Variants in DEUP1 observed in about 807,000 individuals in gnomAD.
The protein encoded by DEUP1 is deuterosome assembly protein 1.
DEUP1 carries 82 observed loss-of-function variants against 87.4 expected under a neutral mutation model. The observed-to-expected ratio is 0.94, with a 90% confidence interval of 0.78 to 1.13. The LOEUF (loss-of-function observed/expected upper bound fraction) is 1.13, where lower values mean the gene tolerates loss of function less well. DEUP1 is among the 50% of genes most tolerant of loss of function. The pLI, the probability that DEUP1 is intolerant of heterozygous loss-of-function variation, is 0.00. For synonymous variants in DEUP1, 214 were observed against 222.7 expected (o/e 0.96, Z 0.35); for missense variants, 663 against 681.5 (o/e 0.97, Z 0.30).
At chr11:93,336,968 T>A (rs544351913) in intron 2 of DEUP1, among the ~76,000 whole-genome samples, 1 of 152,330 alleles carries the variant, frequency 6.6e-6, no homozygotes, top group East Asian at 1.9e-4. Flanking sequence ...TTCAACCAAA[T>A]TCTCATTTTT....
chr11:93,434,102 C>A (rs986952076), intron 13 of DEUP1, among the ~76,000 whole-genome samples: 5 of 152,174 alleles, frequency 3.3e-5, no homozygotes, highest in East Asian at 1.9e-4. Flanking sequence ...GGGTAGGGGA[C>A]CAACCACCAT....
chr11:93,403,053 C>A (rs531510745), intron 11 of DEUP1, among the ~76,000 whole-genome samples: 5 of 151,980 alleles, frequency 3.3e-5, no homozygotes, highest in African/African-American at 9.6e-5. Flanking sequence ...GGTGATGATA[C>A]CTCAAGTACA....
At chr11:93,434,170 G>A (rs964303065) in intron 13 of DEUP1, among the ~76,000 whole-genome samples, 1 of 152,150 alleles carries the variant, frequency 6.6e-6, no homozygotes, top group Non-Finnish European at 1.5e-5. Flanking sequence ...TTCAGGCATA[G>A]CTTCTTCACG....
Position 93,362,557 on chromosome 11 carries a change from T to C in DEUP1, c.298-1603T>C, listed in dbSNP as rs571568956. On this transcript the variant is annotated intron_variant, in intron 4 of 13. Coordinates refer to ENST00000298050, the MANE Select transcript of DEUP1 (RefSeq NM_181645.4). ...ATAATAAAAAAGAAAATAACAAGTG[T>C]TGGAGAGGATATGGAGACATTGTAA... Among the ~76,000 whole-genome samples the C allele has an allele frequency of 3.3e-5, 5 of 151,902 alleles. No homozygotes were observed. The South Asian group carries it at 1.0e-3, about 32-fold the overall frequency.
intron 2 of DEUP1, chr11:93,352,445 C>T (rs1207517770): frequency 2.9e-6 from 2 of 699,772 alleles, no homozygotes; most frequent in East Asian, 5.4e-5. Flanking sequence ...ACAACAGTTG[C>T]TATAGTCCTA....
intron 4 of DEUP1, among the ~76,000 whole-genome samples, chr11:93,359,339 T>C (rs1481762121): frequency 6.6e-6 from 1 of 151,964 alleles, no homozygotes; most frequent in Admixed American, 6.5e-5. Context: ...GCTTTCCTTT[T>C]AAAAAGGAGT....
chr11:93,388,904 T>C lies in DEUP1; in HGVS notation c.936-116T>C, dbSNP rs568382336. 2.7e-5 allele frequency: 16 copies of C among 595,760 alleles called. No homozygotes were observed. In the African/African-American group the frequency reaches 2.9e-4, roughly 11 times the overall value. 36.9% of individuals were successfully genotyped at this position (595,760 alleles called of 1,614,324 possible). A position where few individuals can be genotyped will look rare whatever the true frequency, so the allele number is the denominator to read the frequency against. On this transcript the variant is annotated intron_variant, in intron 8 of 13. Coordinates refer to ENST00000298050, the MANE Select transcript of DEUP1 (RefSeq NM_181645.4). ...TGCAATTTCTGTAACTAAAAATGTT[T>C]CCAACAAAGTAATGATCTATCTCCG...
chr11:93,410,210 C>G (rs1349068656), intron 12 of DEUP1, among the ~76,000 whole-genome samples: 2 of 152,036 alleles, frequency 1.3e-5, no homozygotes, highest in Admixed American at 1.3e-4. Context: ...ATTAATAAAC[C>G]CTTTTCAGGT....
intron 9 of DEUP1, among the ~76,000 whole-genome samples, chr11:93,390,614 C>T (rs1210135913): frequency 6.6e-6 from 1 of 151,948 alleles, no homozygotes; most frequent in East Asian, 1.9e-4. Flanking sequence ...GATTCTTAAC[C>T]TCATAGATTT....
intron 2 of DEUP1, among the ~76,000 whole-genome samples, chr11:93,346,194 A>G (rs997119245): frequency 6.6e-6 from 1 of 151,984 alleles, no homozygotes; most frequent in Non-Finnish European, 1.5e-5. Context: ...TGGATTCTCT[A>G]TTGTGTTCCA....
At chr11:93,374,600 G>T (rs947343833) in intron 7 of DEUP1, among the ~76,000 whole-genome samples, 1 of 151,950 alleles carries the variant, frequency 6.6e-6, no homozygotes, top group Non-Finnish European at 1.5e-5. Flanking sequence ...AAGTATTTGG[G>T]TTTATTTCTG....
At chr11:93,398,690 T>C (rs964130189) in intron 11 of DEUP1, among the ~76,000 whole-genome samples, 2 of 151,970 alleles carry the variant, frequency 1.3e-5, no homozygotes, top group Non-Finnish European at 2.9e-5. Flanking sequence ...TGCCCATTTT[T>C]CTTTTGGCTT....
intron 9 of DEUP1, among the ~76,000 whole-genome samples, chr11:93,393,478 C>T (rs767358189): frequency 9.9e-5 from 15 of 152,090 alleles, no homozygotes; most frequent in South Asian, 6.2e-4. Flanking sequence ...CAAGCCACCA[C>T]GCCCGGCTAG....
intron 2 of DEUP1, among the ~76,000 whole-genome samples, chr11:93,341,435 G>A (rs1377797526): frequency 6.6e-6 from 1 of 152,136 alleles, no homozygotes; most frequent in South Asian, 2.1e-4. Context: ...GGAACTGTAA[G>A]TTCAATTAAA....
At chr11:93,436,752 T>C (rs1948259708) in intron 13 of DEUP1, among the ~76,000 whole-genome samples, 1 of 152,132 alleles carries the variant, frequency 6.6e-6, no homozygotes, top group Non-Finnish European at 1.5e-5. Context: ...CAAAGAAGAA[T>C]ATAGCAACCA....
In DEUP1 at chr11:93,412,674, C is replaced by T. The variant is rs1395649379; in HGVS notation, c.1524-2326C>T. Among the ~76,000 whole-genome samples the T allele has an allele frequency of 2.0e-5, 3 of 152,160 alleles. No individual in the cohort carries two copies. In the East Asian group the frequency reaches 5.8e-4, roughly 29 times the overall value. On this transcript the variant is annotated intron_variant, in intron 12 of 13. Coordinates refer to ENST00000298050, the MANE Select transcript of DEUP1 (RefSeq NM_181645.4). ...TTTGCCTGAAATCTCTGTGAGATAA[C>T]AGAGAGATATATACTTCTTGAATCG...
intron 5 of DEUP1, among the ~76,000 whole-genome samples, chr11:93,368,738 C>T (rs1945548601): frequency 6.6e-6 from 1 of 152,092 alleles, no homozygotes; most frequent in South Asian, 2.1e-4. Context: ...AGTTTGAGAC[C>T]AGCCTGACCA....
At chr11:93,406,289 A>G (rs1406537491) in intron 11 of DEUP1, among the ~76,000 whole-genome samples, 1 of 151,796 alleles carries the variant, frequency 6.6e-6, no homozygotes. Flanking sequence ...AACTGGCACA[A>G]TCTCAACTGT....
In DEUP1 at chr11:93,389,075, C is replaced by T. The variant is rs1946683540; in HGVS notation, c.991C>T (p.Leu331=). The part of the protein sequence containing the change: ...IKEPERKIKE[L]FSVMQDQPNH... ...AGAACCAGAAAGGAAAATAAAAGAG[C>T]TGTTTTCAGTGATGCAAGATCAACC... Residue 331 remains leucine, a synonymous_variant, in exon 9 of 14, where the codon CTG becomes TTG. Coordinates refer to ENST00000298050, the MANE Select transcript of DEUP1 (RefSeq NM_181645.4). 8.1e-6 allele frequency: 13 copies of T among 1,603,488 alleles called. No individual in the cohort carries two copies. Among genetic ancestry groups the T allele is most frequent in the Non-Finnish European group, 9.4e-6 (11 of 1,175,220 alleles).
Sources: gnomAD v4.1 joint callset for allele counts (sites outside exome capture counted in the v4.1 genomes callset) on GRCh38, gnomAD v4.1.1 for gene constraint, MANE v1.5 for transcripts, NCBI Gene and HGNC (gene_info 2026-07-23, HGNC 2026-07-21) for gene names.